CA10: variants seen among roughly 807,000 people sequenced by gnomAD.
CA10 encodes the protein carbonic anhydrase 10 (inactive), also known as carbonic anhydrase-related protein 10.
In CA10, 14 loss-of-function variants were observed where a neutral mutation model predicts 44.2. The ratio of observed to expected loss-of-function variants is 0.32; its 90% CI spans 0.21 to 0.50. CA10 has a LOEUF of 0.50. CA10 is among the 20% of genes least tolerant of loss of function. The pLI, the probability that CA10 is intolerant of heterozygous loss-of-function variation, is 0.99. For synonymous variants in CA10, 159 were observed against 141.6 expected, an observed-to-expected ratio of 1.12 and a Z score of -0.87; for missense variants, 350 against 409.7, an observed-to-expected ratio of 0.85 and a Z score of 1.26.
chr17:51,671,438 TC>T (rs1199320984), intron 4 of CA10, among the ~76,000 whole-genome samples: 1 of 152,164 alleles, frequency 6.6e-6, no homozygotes, highest in African/African-American at 2.4e-5. Flanking sequence ...GGAATCTCGC[TC>T]TGTTGCCCAG....
intron 4 of CA10, among the ~76,000 whole-genome samples, chr17:51,736,268 C>A (rs1158929565): frequency 6.6e-6 from 1 of 152,130 alleles, no homozygotes; most frequent in Non-Finnish European, 1.5e-5. Context: ...GCTGCTCATG[C>A]AAGTAGGTCA....
chr17:51,731,668 A>AAAG (rs1555592619), intron 4 of CA10, among the ~76,000 whole-genome samples: 45 of 117,428 alleles, frequency 3.8e-4, no homozygotes, highest in African/African-American at 1.0e-3. Flanking sequence ...AAAAAAAAAA[A>AAAG]AAAAAGATTT....
chr17:51,895,765 A>C (rs1981042260), intron 3 of CA10, among the ~76,000 whole-genome samples: 3 of 152,104 alleles, frequency 2.0e-5, no homozygotes, highest in African/African-American at 7.2e-5. Context: ...TATTTTGTTT[A>C]AGCGAGATTG....
At chr17:51,969,315 C>T (rs964563589) in intron 2 of CA10, among the ~76,000 whole-genome samples, 7 of 151,936 alleles carry the variant, frequency 4.6e-5, no homozygotes, top group African/African-American at 1.7e-4. Context: ...ATAATGGTTC[C>T]TATTTTACAG....
intron 3 of CA10, among the ~76,000 whole-genome samples, chr17:51,896,382 G>A (rs1291533753): frequency 1.3e-5 from 2 of 152,040 alleles, no homozygotes; most frequent in Non-Finnish European, 2.9e-5. Context: ...TGAGGATAAT[G>A]AGTTCAGCTC....
intron 3 of CA10, among the ~76,000 whole-genome samples, chr17:51,911,108 A>T (rs1044210132): frequency 6.6e-6 from 1 of 152,150 alleles, no homozygotes; most frequent in Non-Finnish European, 1.5e-5. Flanking sequence ...ACGTGGTTCC[A>T]CTTGCCCCTC....
chr17:51,959,797 G>GAAAAAAAAA (rs3062037), intron 2 of CA10, among the ~76,000 whole-genome samples: 8 of 112,326 alleles, frequency 7.1e-5, no homozygotes, highest in South Asian at 3.3e-4. Context: ...CTGCTAAGAT[G>GAAAAAAAAA]AAAAAAAAAA....
chr17:51,707,789 G>A (rs1915809400), intron 4 of CA10, among the ~76,000 whole-genome samples: 2 of 151,674 alleles, frequency 1.3e-5, no homozygotes, highest in African/African-American at 4.9e-5. Flanking sequence ...CCATTTTTCT[G>A]TTTTGGAGAA....
At chr17:51,710,902 A>G (rs540086521) in intron 4 of CA10, among the ~76,000 whole-genome samples, 1 of 148,834 alleles carries the variant, frequency 6.7e-6, no homozygotes, top group African/African-American at 2.5e-5. Context: ...GATTATGCCA[A>G]AGACTGAACA....
intron 3 of CA10, among the ~76,000 whole-genome samples, chr17:51,920,538 G>A (rs559847146): frequency 6.6e-6 from 1 of 152,302 alleles, no homozygotes; most frequent in South Asian, 2.1e-4. Context: ...AAGAATGAGA[G>A]AGAATTAGAG....
intron 8 of CA10, 28 bp downstream of exon 8, chr17:51,633,448 C>T (rs1250170176): frequency 6.2e-7 from 1 of 1,601,072 alleles, no homozygotes; most frequent in Admixed American, 1.7e-5. Context: ...TAGCCTAGAT[C>T]CTCCACTCTC....
intron 4 of CA10, among the ~76,000 whole-genome samples, chr17:51,669,778 T>G (rs1914348445): frequency 6.6e-6 from 1 of 152,170 alleles, no homozygotes; most frequent in Admixed American, 6.5e-5. Flanking sequence ...CTTTGAAAAC[T>G]GTAACACTCA....
chr17:52,066,477 C>T lies in CA10; in HGVS notation c.136+5842G>A, dbSNP rs553031491. On this transcript the variant is annotated intron_variant, in intron 2 of 8. Transcript: ENST00000451037. ...GATAATTGAATCATGGGTGCAGTTT[C>T]CACCATACTGTTCTTGTAGTGAATG... 7.2e-5 allele frequency among the ~76,000 whole-genome samples: 11 copies of T among 152,272 alleles called. No individual in the cohort carries two copies. In the South Asian group the frequency reaches 2.3e-3, roughly 32 times the overall value.
chr17:51,712,352 C>A (rs1337318721), intron 4 of CA10, among the ~76,000 whole-genome samples: 1 of 152,184 alleles, frequency 6.6e-6, no homozygotes, highest in East Asian at 1.9e-4. Flanking sequence ...GTTGTCCAAT[C>A]TTTAAAATAG....
At chr17:51,930,812 T>C (rs1389634620) in intron 3 of CA10, among the ~76,000 whole-genome samples, 178 bp downstream of exon 3, 3 of 151,848 alleles carry the variant, frequency 2.0e-5, no homozygotes, top group Non-Finnish European at 4.4e-5. Context: ...GTTTGACTAG[T>C]TAGGGAGAAA....
chr17:52,101,632 ATTTC>A (rs1988542557), intron 1 of CA10, among the ~76,000 whole-genome samples: 1 of 152,140 alleles, frequency 6.6e-6, no homozygotes, highest in Admixed American at 6.5e-5. Flanking sequence ...AAATTATAAT[ATTTC>A]TTATGTTAAC....
At chr17:51,821,682 T>G (rs1907809180) in intron 3 of CA10, among the ~76,000 whole-genome samples, 1 of 152,024 alleles carries the variant, frequency 6.6e-6, no homozygotes, top group Admixed American at 6.5e-5. Context: ...TTTCACTCAG[T>G]GTAAAATCTG....
At chr17:52,032,446 T>A (rs933624130) in intron 2 of CA10, among the ~76,000 whole-genome samples, 1 of 152,166 alleles carries the variant, frequency 6.6e-6, no homozygotes, top group Non-Finnish European at 1.5e-5. Context: ...AATTATCTCA[T>A]GAAACTTCAC....
chr17:51,827,903 G>A (rs1908089739), intron 3 of CA10, among the ~76,000 whole-genome samples: 1 of 152,108 alleles, frequency 6.6e-6, no homozygotes, highest in African/African-American at 2.4e-5. Flanking sequence ...TTCAAGCCTG[G>A]CCCATAAAAC....
Sources: gnomAD v4.1 joint callset for allele counts (sites outside exome capture counted in the v4.1 genomes callset) on GRCh38, gnomAD v4.1.1 for gene constraint, MANE v1.5 for transcripts, NCBI Gene and HGNC (gene_info 2026-07-23, HGNC 2026-07-21) for gene names.